Variants in BCL11A observed in about 807,000 individuals in gnomAD.
BCL11A encodes B cell CLL/lymphoma 11A.
In BCL11A, 2 loss-of-function variants were observed where a neutral mutation model predicts 55.9. The ratio of observed to expected loss-of-function variants is 0.04; its 90% CI spans 0.01 to 0.11. The LOEUF (loss-of-function observed/expected upper bound fraction) is 0.11. BCL11A is among the 10% of genes least tolerant of loss of function. BCL11A has a pLI of 1.00. For missense variants in BCL11A, 817 were observed against 1,137.1 expected (o/e 0.72, Z 4.05); for synonymous variants, 465 against 473.4 (o/e 0.98, Z 0.23).
At chr2:60,505,145 C>A (rs911381001) in intron 2 of BCL11A, among the ~76,000 whole-genome samples, 7 of 148,304 alleles carry the variant, frequency 4.7e-5, no homozygotes, top group Admixed American at 1.3e-4. Context: ...AGGGCTTACT[C>A]AAAAAAAAAA....
At chr2:60,467,104 GGTGGTA>G in intron 3 of BCL11A, among the ~76,000 whole-genome samples, 1 of 149,460 alleles carries the variant, frequency 6.7e-6, no homozygotes, top group Non-Finnish European at 1.5e-5. Context: ...TGATGATGGT[GGTGGTA>G]GTGGTGGTGG....
rs1174170031 is a variant in BCL11A, at chr2:60,460,481, C to A, written c.2431G>T (p.Val811Leu). 6.2e-7 allele frequency: 1 copy of A among 1,614,036 alleles called. No homozygotes were observed. Among genetic ancestry groups the A allele is most frequent in the South Asian group, 1.1e-5 (1 of 91,082 alleles). ...KCEICKMPFS[V>L]YSTLEKHMKK... ...ATGTGTTTCTCCAGGGTACTGTACACGCTAAAAGGCATCTTACAAATTTCA... is the reference window on the plus strand; with the variant it reads ...ATGTGTTTCTCCAGGGTACTGTACAAGCTAAAAGGCATCTTACAAATTTCA... The change falls in exon 4 of 4, where the codon GTG becomes TTG. Residue 811 changes from valine to leucine, a missense_variant. Around this residue, in one of 4 missense-constraint regions of BCL11A, gnomAD observed 30 missense variants for 116.3 expected, o/e 0.26. Transcript: ENST00000642384.
chr2:60,467,071 A>AGTGGTG (rs1190100497), intron 3 of BCL11A, among the ~76,000 whole-genome samples: 1 of 137,842 alleles, frequency 7.3e-6, no homozygotes, highest in Non-Finnish European at 1.6e-5. Flanking sequence ...TGGTGGTGGC[A>AGTGGTG]GTGGTGGTGG....
intron 2 of BCL11A, chr2:60,536,034 T>A (rs73932599): frequency 6.6e-6 from 1 of 152,098 alleles, no homozygotes; most frequent in Non-Finnish European, 1.5e-5. Flanking sequence ...CCCCAACCTC[T>A]CCAACCCAGG....
chr2:60,507,091 G>A (rs1245838432), intron 2 of BCL11A, among the ~76,000 whole-genome samples: 1 of 151,840 alleles, frequency 6.6e-6, no homozygotes, highest in Non-Finnish European at 1.5e-5. Context: ...CTGAAATACT[G>A]TCTTTGACCT....
At chr2:60,531,793 C>A (rs533799854) in intron 2 of BCL11A, among the ~76,000 whole-genome samples, 5 of 152,332 alleles carry the variant, frequency 3.3e-5, no homozygotes, top group African/African-American at 1.2e-4. Flanking sequence ...AAGTTACCCA[C>A]AGGCTGCTTC....
At chr2:60,467,114 GTGGTGGTGGTGGTGA>G (rs1676674729) in intron 3 of BCL11A, among the ~76,000 whole-genome samples, 1 of 123,272 alleles carries the variant, frequency 8.1e-6, no homozygotes, top group African/African-American at 3.1e-5. Flanking sequence ...GGTGGTAGTG[GTGGTGGTGGTGGTGA>G]TGGTGGTGTT....
intron 2 of BCL11A, among the ~76,000 whole-genome samples, chr2:60,472,618 AC>A (rs1345333709): frequency 1.3e-5 from 2 of 152,228 alleles, no homozygotes; most frequent in African/African-American, 4.8e-5. Context: ...ACATTTGGTC[AC>A]TTTACATTTC....
At chr2:60,516,301 G>C (rs563116059) in intron 2 of BCL11A, among the ~76,000 whole-genome samples, 1 of 152,320 alleles carries the variant, frequency 6.6e-6, no homozygotes, top group South Asian at 2.1e-4. Context: ...CACAGGTTTT[G>C]CTGGAAACTC....
At chr2:60,491,465 G>A (rs770297478) in intron 2 of BCL11A, among the ~76,000 whole-genome samples, 4 of 151,968 alleles carry the variant, frequency 2.6e-5, no homozygotes, top group Non-Finnish European at 5.9e-5. Context: ...CTGAGGTCAG[G>A]AGTTCAAGAT....
At chr2:60,467,071 AGTG>A (rs1190100497) in intron 3 of BCL11A, among the ~76,000 whole-genome samples, 59 of 137,890 alleles carry the variant, frequency 4.3e-4, no homozygotes, top group African/African-American at 1.1e-3. Flanking sequence ...TGGTGGTGGC[AGTG>A]GTGGTGGTGG....
intron 2 of BCL11A, among the ~76,000 whole-genome samples, chr2:60,498,107 G>T (rs1679056825): frequency 6.6e-6 from 1 of 151,846 alleles, no homozygotes; most frequent in African/African-American, 2.4e-5. Context: ...GCTGGGGTGA[G>T]TCAAAAGTCT....
intron 2 of BCL11A, among the ~76,000 whole-genome samples, chr2:60,475,092 G>A (rs1194222456): frequency 6.6e-6 from 1 of 152,222 alleles, no homozygotes; most frequent in Non-Finnish European, 1.5e-5. Context: ...AAGATGCTTA[G>A]AGAGAAGCAA....
intron 1 of BCL11A, among the ~76,000 whole-genome samples, chr2:60,549,212 C>G (rs982097255): frequency 2.0e-5 from 3 of 152,134 alleles, no homozygotes; most frequent in Non-Finnish European, 4.4e-5. Context: ...GTCTCAGTGA[C>G]AGACTGAGAT....
intron 2 of BCL11A, among the ~76,000 whole-genome samples, chr2:60,472,287 G>A (rs1677248317): frequency 6.6e-6 from 1 of 152,194 alleles, no homozygotes; most frequent in African/African-American, 2.4e-5. Context: ...GTCAGCGAAC[G>A]CAGCTGTGGC....
rs115780642 is a variant in BCL11A, at chr2:60,519,267, G to C, written c.385+26704C>G. ...TATCAACACCTTTAAGGCATTTTGC[G>C]GTCTTTTTGATTCTATAACCTCCAT... is the stretch of plus-strand genomic sequence containing the variant. On this transcript the variant is annotated intron_variant, in intron 2 of 3. Coordinates refer to ENST00000642384, the MANE Select transcript of BCL11A (RefSeq NM_022893.4). 6.7e-3 allele frequency among the ~76,000 whole-genome samples: 1,027 copies of C among 152,250 alleles called. 14 individuals are homozygous for C. Among genetic ancestry groups the C allele is most frequent in the Non-Finnish European group, 7.9e-3 (535 of 68,016 alleles).
Position 60,461,256 on chromosome 2 carries a change from G to A in BCL11A, c.1656C>T (p.Leu552=), listed in dbSNP as rs201627623. The change falls in exon 4 of 4, where the codon CTC becomes CTT. Residue 552 remains leucine (L), a synonymous_variant. Transcript: ENST00000642384. ...CCTCGCTGAAGTGCTGCATGGAGCT[G>A]AGCACCATGCCCTGCATGACGTCGG... is the stretch of plus-strand genomic sequence containing the variant. ...ALPDVMQGMV[L]SSMQHFSEAF... 19 of 1,608,642 alleles carry A rather than the reference G, an allele frequency of 1.2e-5. No homozygotes were observed. The East Asian group carries it at 1.8e-4, about 15-fold the overall frequency.
chr2:60,495,478 C>T (rs1678893183), intron 2 of BCL11A, among the ~76,000 whole-genome samples: 1 of 152,224 alleles, frequency 6.6e-6, no homozygotes. Context: ...CTACAGATAA[C>T]TCCCAAGTCC....
chr2:60,480,906 G>A (rs1166917801), intron 2 of BCL11A, among the ~76,000 whole-genome samples: 7 of 152,076 alleles, frequency 4.6e-5, no homozygotes, highest in Middle Eastern at 3.2e-3. Context: ...AAGTACCTCC[G>A]CTTGAATAAT....
Sources: allele counts gnomAD v4.1 joint callset (sites outside exome capture counted in the v4.1 genomes callset), GRCh38; gene constraint gnomAD v4.1.1; regional missense constraint gnomAD v4.1.1; transcripts MANE v1.5; gene names NCBI Gene and HGNC (gene_info 2026-07-23, HGNC 2026-07-21).